LAMA1: variants seen among roughly 807,000 people sequenced by gnomAD.
LAMA1 encodes laminin subunit alpha 1.
In LAMA1, 219 loss-of-function variants were observed where a neutral mutation model predicts 348.7. The ratio of observed to expected loss-of-function variants is 0.63; its 90% CI spans 0.56 to 0.70. LAMA1 has a LOEUF of 0.70. Among genes scored for constraint, LAMA1 ranks in the 30% least tolerant of loss-of-function variants. The probability of loss-of-function intolerance (pLI) is 0.00; values close to 1 mark genes in which losing one functional copy is unlikely to be tolerated. For missense variants in LAMA1, 3,744 were observed against 3,888.0 expected (o/e 0.96, Z 0.99); for synonymous variants, 1,487 against 1,491.0 (o/e 1.00, Z 0.06).
chr18:7,057,657 T>C (rs2058087476), intron 3 of LAMA1, among the ~76,000 whole-genome samples: 1 of 151,414 alleles, frequency 6.6e-6, no homozygotes, highest in Non-Finnish European at 1.5e-5. Flanking sequence ...TTCAATTTTC[T>C]TCATAGTCAC....
At chr18:7,018,219 C>T (rs2057897826) in intron 19 of LAMA1, among the ~76,000 whole-genome samples, 1 of 149,710 alleles carries the variant, frequency 6.7e-6, no homozygotes, top group South Asian at 2.2e-4. Context: ...GCCTGTAATC[C>T]CAGCTACTTG....
At chr18:7,066,775 ATCACT>A (rs2058124460) in intron 3 of LAMA1, among the ~76,000 whole-genome samples, 1 of 152,242 alleles carries the variant, frequency 6.6e-6, no homozygotes, top group Admixed American at 6.5e-5. Context: ...AACACACTTT[ATCACT>A]GTTACTGAGC....
rs2057595236 is a variant in LAMA1 at position 6,959,204 on chromosome 18, T to A, written c.7778+137A>T. ...GAAACTGGTTCCCAGGAAAGAATCCTAGCAAGGTTCTAGAATCGTCTGGAT... is the reference window on the plus strand; with the variant it reads ...GAAACTGGTTCCCAGGAAAGAATCCAAGCAAGGTTCTAGAATCGTCTGGAT... On this transcript the variant is annotated intron_variant, in intron 54 of 62. Coordinates refer to ENST00000389658, the MANE Select transcript of LAMA1 (RefSeq NM_005559.4). 3.6e-6 allele frequency: 4 copies of A among 1,105,248 alleles called. No individual in the cohort carries two copies. In the Admixed American group the frequency reaches 7.2e-5, roughly 20 times the overall value. The allele number at this position is 1,105,248 out of a possible 1,614,324, so 68.5% of individuals were successfully genotyped here.
intron 40 of LAMA1, 113 bp downstream of exon 40, chr18:6,982,986 C>A (rs2057718701): frequency 3.7e-6 from 5 of 1,367,704 alleles, no homozygotes; most frequent in Non-Finnish European, 3.1e-6. Context: ...GAAACAGATT[C>A]CACCAGAAAA....
chr18:7,080,378 C>T lies in LAMA1; in HGVS notation c.141G>A (p.Glu47=), dbSNP rs1286325295. The change falls in exon 2 of 63, where the codon GAG becomes GAA. Residue 47 remains glutamate, a synonymous_variant. Transcript: ENST00000389658. ...CATGCTCCACAAGTTTGCAGAACAT[C>T]TCCGGCCCCTTCTCGCCACAGGTGG... ...TNATCGEKGP[E]MFCKLVEHVP... is the part of the protein sequence containing the mutation. 2 of 1,614,270 alleles carry T rather than the reference C, an allele frequency of 1.2e-6. No homozygotes were observed. Among genetic ancestry groups the T allele is most frequent in the Admixed American group, 1.7e-5 (1 of 60,034 alleles).
rs771517487 is a variant in LAMA1, at chr18:7,024,485, T to G, written c.2403-19A>C. 8.3e-5 allele frequency: 133 copies of G among 1,602,728 alleles called. No individual in the cohort carries two copies. The highest frequency in any genetic ancestry group is 3.3e-4 in the Middle Eastern group (2 of 6,026). The stretch of plus-strand genomic sequence containing the variant: ...GCTGAAACTGTCAAAACATTAGAAA[T>G]GAACAAAATTTTCCAATGGATGAAG... On this transcript the variant is annotated intron_variant, in intron 17 of 62. Transcript: ENST00000389658.
In LAMA1 at chr18:7,073,014, G is replaced by A. The variant is rs531582856; in HGVS notation, c.345+6961C>T. ...CCCAGAAGAGCATTCTGAAAGATAG[G>A]AGACTCTCTTCCCAGGCTCTAGGTG... On this transcript the variant is annotated intron_variant, in intron 3 of 62. Coordinates refer to ENST00000389658, the MANE Select transcript of LAMA1 (RefSeq NM_005559.4). Among the ~76,000 whole-genome samples the A allele has an allele frequency of 2.0e-5, 3 of 152,214 alleles. No individual in the cohort carries two copies. In the South Asian group the frequency reaches 6.2e-4, roughly 32 times the overall value.
rs111267165 is a variant in LAMA1, at chr18:7,036,023, G to A, written c.1803C>T (p.Asp601=). ...VSYDIPVETV[D]SNLMSHADVI... ...CGTCAGCATGCGACATGAGGTTACT[G>A]TCTACCGTCTCTACCGGAATATCGT... The change falls in exon 13 of 63, where the codon GAC becomes GAT. Residue 601 remains aspartate (D), a synonymous_variant. Coordinates refer to ENST00000389658, the MANE Select transcript of LAMA1 (RefSeq NM_005559.4). 2,770 of 1,614,168 alleles carry A rather than the reference G, an allele frequency of 1.7e-3. 22 individuals carry two copies. The African/African-American group carries it at 0.023, about 14-fold the overall frequency.
At chr18:6,966,660 A>G (rs2057634744) in intron 48 of LAMA1, among the ~76,000 whole-genome samples, 2 of 152,100 alleles carry the variant, frequency 1.3e-5, no homozygotes, top group African/African-American at 2.4e-5. Context: ...TAATTTTTAT[A>G]TTGACATTTT....
chr18:7,068,853 C>T (rs2058134226), intron 3 of LAMA1, among the ~76,000 whole-genome samples: 1 of 151,504 alleles, frequency 6.6e-6, no homozygotes, highest in South Asian at 2.1e-4. Flanking sequence ...AAAGAAATAT[C>T]TCTTGAGAAA....
intron 53 of LAMA1, among the ~76,000 whole-genome samples, chr18:6,960,938 G>C (rs971367526): frequency 1.3e-5 from 2 of 152,200 alleles, no homozygotes; most frequent in African/African-American, 4.8e-5. Context: ...ACCCTGCAGA[G>C]TACAAGGTGG....
At chr18:7,117,560 C>A in intron 1 of LAMA1, 100 bp downstream of exon 1, 1 of 1,288,302 alleles carries the variant, frequency 7.8e-7, no homozygotes, top group South Asian at 1.3e-5. Flanking sequence ...AGGATGCGCG[C>A]CCGGACTCCA....
intron 61 of LAMA1, among the ~76,000 whole-genome samples, chr18:6,944,010 T>A (rs978995885): frequency 6.6e-6 from 1 of 152,092 alleles, no homozygotes; most frequent in African/African-American, 2.4e-5. Flanking sequence ...GAGGTGCTGG[T>A]CATACTTTCA....
Position 7,050,705 on chromosome 18 carries a change from C to G in LAMA1, c.577G>C (p.Glu193Gln). 2 of 1,613,922 alleles carry G rather than the reference C, an allele frequency of 1.2e-6. No homozygotes were observed. Among genetic ancestry groups the G allele is most frequent in the Non-Finnish European group, 1.7e-6 (2 of 1,180,026 alleles). The change falls in exon 4 of 63, where the codon GAG (glutamate) becomes CAG (glutamine). Residue 193 changes from glutamate to glutamine, a missense_variant. This residue lies in a region of LAMA1 where 1,529 missense variants were observed against 1,689.4 expected (regional missense o/e 0.91). Transcript: ENST00000389658. Reference sequence around the variant, plus strand: ...GGCACCATACCTACCTCTCCATGCTCAAGTGGCACCAATCTGGAATAATAG... The same window carrying G: ...GGCACCATACCTACCTCTCCATGCTGAAGTGGCACCAATCTGGAATAATAG... Reference protein sequence around the residue: ...TSYYSRLVPLEHGEIHTSLIN... With the variant: ...TSYYSRLVPLQHGEIHTSLIN...
At position 6,978,185 on chromosome 18, in the gene LAMA1, C is replaced by T. The variant is rs371961926; in HGVS notation, c.6190+11G>A. 3 of 1,614,044 alleles carry T rather than the reference C, an allele frequency of 1.9e-6. No homozygotes were observed. The highest frequency in any genetic ancestry group is 2.2e-5 in the East Asian group (1 of 44,894). On this transcript the variant is annotated intron_variant, in intron 43 of 62. Transcript: ENST00000389658. Reference sequence around the variant, plus strand: ...AGACGATCATGACTGGAAGGAAGGGCGCTGACATACTGGCCATGGTGGAGT... The same window carrying T: ...AGACGATCATGACTGGAAGGAAGGGTGCTGACATACTGGCCATGGTGGAGT...
chr18:6,983,422 C>T (rs1464514096), intron 39 of LAMA1, among the ~76,000 whole-genome samples, 188 bp from the exon 40 acceptor site: 2 of 152,208 alleles, frequency 1.3e-5, no homozygotes, highest in East Asian at 3.9e-4. Flanking sequence ...TTTGAGAAGC[C>T]GTAGCCACTT....
intron 28 of LAMA1, among the ~76,000 whole-genome samples, chr18:7,007,746 G>T (rs1343857454): frequency 6.7e-6 from 1 of 148,572 alleles, no homozygotes; most frequent in Admixed American, 6.7e-5. Flanking sequence ...TTTATTCACT[G>T]ACAGATTAAC....
intron 23 of LAMA1, among the ~76,000 whole-genome samples, chr18:7,012,374 A>T (rs1203188727): frequency 6.6e-6 from 1 of 152,018 alleles, no homozygotes; most frequent in Non-Finnish European, 1.5e-5. Flanking sequence ...TGGAAAATAC[A>T]GAGTCCCTGA....
At chr18:7,007,637 CA>C (rs1253137295) in intron 28 of LAMA1, among the ~76,000 whole-genome samples, 1 of 152,116 alleles carries the variant, frequency 6.6e-6, no homozygotes, top group Non-Finnish European at 1.5e-5. Flanking sequence ...TTTGGGTACA[CA>C]ACCAAAAGAA....
Sources: gnomAD v4.1 joint callset for allele counts (sites outside exome capture counted in the v4.1 genomes callset) on GRCh38, gnomAD v4.1.1 for gene constraint, gnomAD v4.1.1 regional missense constraint, MANE v1.5 for transcripts, NCBI Gene and HGNC (gene_info 2026-07-23, HGNC 2026-07-21) for gene names.